The following CEP83 variants were observed in gnomAD, a reference collection of about 807,000 sequenced individuals.
The protein encoded by CEP83 is centrosomal protein of 83 kDa.
A neutral mutation model predicts 101.9 loss-of-function variants in CEP83; 70 were observed. The observed-to-expected ratio is 0.69, with a 90% CI of 0.57 to 0.84. The LOEUF (loss-of-function observed/expected upper bound fraction) is 0.84, where lower values mean the gene tolerates loss of function less well. Among genes scored for constraint, CEP83 ranks in the 40% least tolerant of loss-of-function variants. CEP83 has a pLI of 0.00. For synonymous variants in CEP83, 264 were observed against 267.9 expected (o/e 0.99, Z 0.14); for missense variants, 715 against 787.2 (o/e 0.91, Z 1.10).
chr12:94,455,267 C>A (rs555719420), intron 1 of CEP83, among the ~76,000 whole-genome samples: 6 of 152,274 alleles, frequency 3.9e-5, no homozygotes, highest in African/African-American at 1.4e-4. Flanking sequence ...TGCCTTAAAA[C>A]AAAATGCAAT....
chr12:94,424,158 T>G, intron 2 of CEP83: 1 of 1,602,900 alleles, frequency 6.2e-7, no homozygotes, highest in Non-Finnish European at 8.5e-7. Flanking sequence ...AGCATCCTGT[T>G]GGGGGTGATG....
chr12:94,287,105 G>C, the CEP83 span, among the ~76,000 whole-genome samples: 1 of 152,188 alleles, frequency 6.6e-6, no homozygotes, highest in South Asian at 2.1e-4. Flanking sequence ...CAAAAACCCT[G>C]GGAGGCAGGT....
At chr12:94,362,702 A>G (rs2136950542) in intron 11 of CEP83, among the ~76,000 whole-genome samples, 1 of 152,364 alleles carries the variant, frequency 6.6e-6, no homozygotes, top group East Asian at 1.9e-4. Context: ...TACCCAAAGC[A>G]AAGGAAATTA....
At chr12:94,403,920 A>T (rs796881654) in intron 4 of CEP83, among the ~76,000 whole-genome samples, 9 of 152,140 alleles carry the variant, frequency 5.9e-5, no homozygotes, top group African/African-American at 1.9e-4. Flanking sequence ...CATGTATATT[A>T]ATTTCTATAA....
chr12:94,265,890 G>A, the CEP83 span, among the ~76,000 whole-genome samples: 9 of 152,070 alleles, frequency 5.9e-5, no homozygotes, highest in African/African-American at 2.2e-4. Flanking sequence ...AGAAAGCCCA[G>A]TTTGGGGCAC....
At chr12:94,270,039 T>C in the CEP83 span, among the ~76,000 whole-genome samples, 2 of 152,368 alleles carry the variant, frequency 1.3e-5, no homozygotes, top group Admixed American at 6.5e-5. Flanking sequence ...TTACTTTTTT[T>C]CTTTATAGCT....
chr12:94,279,900 C>G, the CEP83 span: 7 of 632,386 alleles, frequency 1.1e-5, no homozygotes, highest in African/African-American at 1.1e-4. Context: ...AATATTACGT[C>G]TGTAAATCAG....
chr12:94,389,133 G>T (rs1455399343), intron 6 of CEP83, among the ~76,000 whole-genome samples: 2 of 151,892 alleles, frequency 1.3e-5, no homozygotes, highest in African/African-American at 4.8e-5. Context: ...TCTTAAAAAA[G>T]AAAGAAAGAA....
rs143343600 is a variant in CEP83, at chr12:94,450,986, T to C, written c.-155+8571A>G. 3.9e-5 allele frequency among the ~76,000 whole-genome samples: 6 copies of C among 152,336 alleles called. No homozygotes were observed. The East Asian group carries it at 5.8e-4, about 15-fold the overall frequency. Reference sequence around the variant, plus strand: ...AGACAGAATAGTGTTGGAGTAAGGATAGGTTTATAGACATGAGTCTTGGAA... The same window carrying C: ...AGACAGAATAGTGTTGGAGTAAGGACAGGTTTATAGACATGAGTCTTGGAA... On this transcript the variant is annotated intron_variant, in intron 1 of 16. Transcript: ENST00000397809.
intron 11 of CEP83, among the ~76,000 whole-genome samples, chr12:94,348,116 T>C (rs78505892): frequency 6.6e-6 from 1 of 150,904 alleles, no homozygotes; most frequent in Non-Finnish European, 1.5e-5. Context: ...ACAAAAAAAA[T>C]ATATATATAT....
intron 4 of CEP83, among the ~76,000 whole-genome samples, chr12:94,403,666 A>G (rs2063378182): frequency 6.6e-6 from 1 of 152,094 alleles, no homozygotes; most frequent in East Asian, 1.9e-4. Flanking sequence ...GAAAAGGCTC[A>G]TTTTTACTCT....
At chr12:94,439,173 T>C (rs1377296660) in intron 1 of CEP83, among the ~76,000 whole-genome samples, 2 of 151,326 alleles carry the variant, frequency 1.3e-5, no homozygotes, top group African/African-American at 4.9e-5. Context: ...ATAACAAAGA[T>C]CAGAACTAAA....
At chr12:94,383,835 C>T (rs1050104445) in intron 6 of CEP83, among the ~76,000 whole-genome samples, 1 of 152,008 alleles carries the variant, frequency 6.6e-6, no homozygotes, top group African/African-American at 2.4e-5. Flanking sequence ...CTACTGAATT[C>T]ATTTTGTCAG....
chr12:94,315,301 T>C (rs1024109351), intron 14 of CEP83, among the ~76,000 whole-genome samples: 1 of 152,186 alleles, frequency 6.6e-6, no homozygotes, highest in Non-Finnish European at 1.5e-5. Context: ...AGTATCTCAC[T>C]GTAGTTTTAA....
At chr12:94,293,334 C>G in the CEP83 span, among the ~76,000 whole-genome samples, 2 of 152,200 alleles carry the variant, frequency 1.3e-5, no homozygotes, top group Admixed American at 1.3e-4. Flanking sequence ...TGAAATGGCT[C>G]TGTCATAGGG....
intron 1 of CEP83, among the ~76,000 whole-genome samples, chr12:94,457,115 T>C (rs2067740331): frequency 1.3e-5 from 2 of 152,064 alleles, no homozygotes; most frequent in African/African-American, 4.8e-5. Flanking sequence ...CAGACTAATA[T>C]GGAAAGGATA....
intron 11 of CEP83, among the ~76,000 whole-genome samples, chr12:94,346,558 A>C (rs1377699665): frequency 3.3e-5 from 5 of 152,118 alleles, no homozygotes; most frequent in Admixed American, 2.6e-4. Flanking sequence ...GGAAACCCCA[A>C]CTTAAAAACC....
chr12:94,288,489 G>C, the CEP83 span, among the ~76,000 whole-genome samples: 6 of 152,208 alleles, frequency 3.9e-5, no homozygotes, highest in Admixed American at 2.0e-4. Flanking sequence ...TGGCCTGGAG[G>C]TTAATTTCAA....
chr12:94,279,534 TTCAG>T, the CEP83 span: 1 of 1,614,200 alleles, frequency 6.2e-7, no homozygotes, highest in Non-Finnish European at 8.5e-7. Flanking sequence ...GTCGGAATAT[TTCAG>T]TCAATGTTCT....
Sources: allele counts gnomAD v4.1 joint callset (sites outside exome capture counted in the v4.1 genomes callset), GRCh38; gene constraint gnomAD v4.1.1; transcripts MANE v1.5; gene names NCBI Gene and HGNC (gene_info 2026-07-23, HGNC 2026-07-21).